Variants in PHACTR1 observed in about 807,000 individuals in gnomAD.
PHACTR1 encodes the protein phosphatase and actin regulator 1, also known as RPEL repeat containing 1.
PHACTR1 carries 16 observed loss-of-function variants against 69.2 expected under a neutral mutation model. That is an observed-to-expected ratio of 0.23 (90% confidence interval 0.16 to 0.35). The LOEUF (loss-of-function observed/expected upper bound fraction) is 0.35. Ranked by LOEUF, PHACTR1 falls within the 10% of genes least tolerant of loss-of-function variation. The pLI, the probability that PHACTR1 is intolerant of heterozygous loss-of-function variation, is 1.00. For missense variants in PHACTR1, 510 were observed against 734.7 expected, an observed-to-expected ratio of 0.69 and a Z score of 3.54; for synonymous variants, 312 against 284.5, an observed-to-expected ratio of 1.10 and a Z score of -0.97.
At chr6:12,964,576 G>A (rs1366699059) in intron 4 of PHACTR1, among the ~76,000 whole-genome samples, 1 of 152,044 alleles carries the variant, frequency 6.6e-6, no homozygotes, top group Non-Finnish European at 1.5e-5. Context: ...TGAACGAGAG[G>A]GTAGAGAGAA....
At chr6:12,774,690 G>A (rs56259669) in intron 4 of PHACTR1, among the ~76,000 whole-genome samples, 10,605 of 152,186 alleles carry the variant, frequency 0.07, 464 homozygotes, top group Admixed American at 0.1. Context: ...GTGAGCCACC[G>A]TGCCTGACCA....
chr6:13,163,615 T>C (rs924757602), intron 6 of PHACTR1, among the ~76,000 whole-genome samples: 2 of 152,216 alleles, frequency 1.3e-5, no homozygotes, highest in African/African-American at 4.8e-5. Flanking sequence ...GATTTTCTGA[T>C]AAAAGCACTC....
At chr6:13,121,055 A>G (rs1234540643) in intron 5 of PHACTR1, among the ~76,000 whole-genome samples, 3 of 152,178 alleles carry the variant, frequency 2.0e-5, no homozygotes, top group East Asian at 1.9e-4. Flanking sequence ...ATAAGGGTGT[A>G]AAGGAGGCGT....
intron 4 of PHACTR1, among the ~76,000 whole-genome samples, chr6:12,907,035 C>A (rs1433145732): frequency 1.3e-5 from 2 of 152,122 alleles, no homozygotes; most frequent in Admixed American, 6.6e-5. Context: ...TCTCTATTTC[C>A]TCCTTCAAAT....
intron 10 of PHACTR1, among the ~76,000 whole-genome samples, chr6:13,244,899 G>T (rs1773382357): frequency 1.3e-5 from 2 of 152,188 alleles, no homozygotes; most frequent in Admixed American, 6.5e-5. Flanking sequence ...GGTATTGATT[G>T]GGGAAGTGAT....
At chr6:12,952,527 T>G (rs777054546) in intron 4 of PHACTR1, among the ~76,000 whole-genome samples, 4 of 152,240 alleles carry the variant, frequency 2.6e-5, no homozygotes, top group Non-Finnish European at 4.4e-5. Flanking sequence ...AAGATTTCCT[T>G]CATGTCTTTT....
chr6:12,780,910 G>A (rs1350920039), intron 4 of PHACTR1, among the ~76,000 whole-genome samples: 2 of 152,162 alleles, frequency 1.3e-5, no homozygotes, highest in Non-Finnish European at 2.9e-5. Flanking sequence ...GAAGGAATGG[G>A]GAGAGACATA....
chr6:13,177,392 T>TATAC (rs1554146765), intron 6 of PHACTR1, among the ~76,000 whole-genome samples: 7 of 147,842 alleles, frequency 4.7e-5, no homozygotes, highest in African/African-American at 7.5e-5. Flanking sequence ...TATATATATA[T>TATAC]ACACACACAC....
chr6:13,161,631 G>T lies in PHACTR1; in HGVS notation c.496+1347G>T, dbSNP rs193218827. On this transcript the variant is annotated intron_variant, in intron 6 of 14. Coordinates refer to ENST00000332995, the MANE Select transcript of PHACTR1 (RefSeq NM_030948.6). ...TTTTTGTAGGTCTTCTACATGCCTC[G>T]TGTGTTCTACTACAACGAGGCAGGT... Among the ~76,000 whole-genome samples the T allele has an allele frequency of 2.0e-5, 3 of 152,134 alleles. 1 individual carries two copies. The highest frequency in any genetic ancestry group is 4.1e-4 in the South Asian group (2 of 4,828).
intron 4 of PHACTR1, among the ~76,000 whole-genome samples, chr6:12,782,345 G>A (rs972778801): frequency 1.3e-5 from 2 of 152,044 alleles, no homozygotes; most frequent in South Asian, 2.1e-4. Context: ...AGGTTGGGCC[G>A]GTGTCTAGAA....
intron 5 of PHACTR1, among the ~76,000 whole-genome samples, chr6:13,063,794 T>A (rs150920348): frequency 2.7e-5 from 4 of 149,758 alleles, no homozygotes; most frequent in African/African-American, 4.9e-5. Context: ...AAAAAAAAAA[T>A]TATGACTTGA....
chr6:13,053,864 A>G (rs1356488784), intron 5 of PHACTR1, among the ~76,000 whole-genome samples: 1 of 152,198 alleles, frequency 6.6e-6, no homozygotes, highest in Non-Finnish European at 1.5e-5. Flanking sequence ...ATTCATTGTT[A>G]TTTTCACTAT....
intron 4 of PHACTR1, among the ~76,000 whole-genome samples, chr6:13,044,621 C>T (rs539771491): frequency 6.6e-6 from 1 of 152,234 alleles, no homozygotes; most frequent in East Asian, 1.9e-4. Context: ...GAGTGACTCT[C>T]CAGAGGAGAA....
chr6:13,162,088 T>G (rs1759100780), intron 6 of PHACTR1, among the ~76,000 whole-genome samples: 1 of 95,098 alleles, frequency 1.1e-5, no homozygotes, highest in Non-Finnish European at 2.3e-5. Context: ...CAACCCTCCC[T>G]TGTTTTGTTG....
chr6:12,829,949 C>G (rs1437563423), intron 4 of PHACTR1, among the ~76,000 whole-genome samples: 4 of 112,292 alleles, frequency 3.6e-5, no homozygotes, highest in Non-Finnish European at 7.1e-5. Context: ...CAGAGCAAGA[C>G]TCCGTCAAGA....
At chr6:12,722,558 G>T (rs1450803066) in intron 3 of PHACTR1, among the ~76,000 whole-genome samples, 1 of 152,196 alleles carries the variant, frequency 6.6e-6, no homozygotes, top group Non-Finnish European at 1.5e-5. Context: ...AGGAGGGTGA[G>T]AAGAAAAAGA....
chr6:12,839,847 C>A (rs974824614), intron 4 of PHACTR1, among the ~76,000 whole-genome samples: 1 of 152,206 alleles, frequency 6.6e-6, no homozygotes, highest in African/African-American at 2.4e-5. Flanking sequence ...AAGGTGAAAA[C>A]AGTGCCTGTG....
At chr6:12,886,255 T>G (rs1003031364) in intron 4 of PHACTR1, among the ~76,000 whole-genome samples, 5 of 10,394 alleles carry the variant, frequency 4.8e-4, no homozygotes, top group Non-Finnish European at 1.0e-3. Flanking sequence ...TGTTGTTTGA[T>G]TGTTAAAAAA....
intron 4 of PHACTR1, among the ~76,000 whole-genome samples, chr6:12,953,604 C>G (rs1346747653): frequency 6.6e-6 from 1 of 152,208 alleles, no homozygotes; most frequent in Non-Finnish European, 1.5e-5. Flanking sequence ...AAGAATGAAA[C>G]TGTATTCAAG....
Sources: gnomAD v4.1 joint callset for allele counts (sites outside exome capture counted in the v4.1 genomes callset) on GRCh38, gnomAD v4.1.1 for gene constraint, MANE v1.5 for transcripts, NCBI Gene and HGNC (gene_info 2026-07-23, HGNC 2026-07-21) for gene names.